PRKN: variants seen among roughly 807,000 people sequenced by gnomAD.
The protein encoded by PRKN is parkin RBR E3 ubiquitin protein ligase.
A neutral mutation model predicts 59.5 loss-of-function variants in PRKN; 56 were observed. The ratio of observed to expected loss-of-function variants is 0.94; its 90% confidence interval spans 0.76 to 1.18. The LOEUF (loss-of-function observed/expected upper bound fraction) is 1.18, where lower values mean the gene tolerates loss of function less well. Ranked by LOEUF, PRKN falls within the 50% of genes most tolerant of loss-of-function variation. PRKN has a pLI of 0.00. For synonymous variants in PRKN, 250 were observed against 222.1 expected (o/e 1.13, Z -1.12); for missense variants, 657 against 596.4 (o/e 1.10, Z -1.06).
At chr6:162,666,225 CTG>C (rs1181129138) in intron 1 of PRKN, among the ~76,000 whole-genome samples, 1 of 152,042 alleles carries the variant, frequency 6.6e-6, no homozygotes, top group Non-Finnish European at 1.5e-5. Flanking sequence ...GTGAGATACA[CTG>C]TGGTTAGAAT....
At chr6:161,633,948 C>A (rs1259359987) in intron 7 of PRKN, among the ~76,000 whole-genome samples, 1 of 150,946 alleles carries the variant, frequency 6.6e-6, no homozygotes, top group Non-Finnish European at 1.5e-5. Flanking sequence ...AAAAATGTGT[C>A]TGTGTGTACG....
chr6:162,727,733 G>A lies in PRKN; in HGVS notation c.-65C>T, dbSNP rs112155221. 7.5e-5 allele frequency: 114 copies of A among 1,512,310 alleles called. No individual in the cohort carries two copies. The Middle Eastern group carries it at 8.5e-4, about 11-fold the overall frequency. 93.7% of individuals were successfully genotyped at this position (1,512,310 alleles called of 1,614,324 possible). ...CCATGCGCGCAGCGGCGCCAGCCGCGCCTCCCACCAGCGGCTCTCCTGGGT... is the reference window on the plus strand; with the variant it reads ...CCATGCGCGCAGCGGCGCCAGCCGCACCTCCCACCAGCGGCTCTCCTGGGT... On this transcript the variant is annotated 5_prime_UTR_variant, in exon 1 of 12. Coordinates refer to ENST00000366898, the MANE Select transcript of PRKN (RefSeq NM_004562.3).
chr6:162,535,103 C>A (rs1330177358), intron 1 of PRKN, among the ~76,000 whole-genome samples: 1 of 152,076 alleles, frequency 6.6e-6, no homozygotes, highest in African/African-American at 2.4e-5. Flanking sequence ...TAAAGGGAAG[C>A]CCAGGGTCTC....
At chr6:161,375,448 T>G (rs1256582795) in intron 10 of PRKN, among the ~76,000 whole-genome samples, 1 of 152,216 alleles carries the variant, frequency 6.6e-6, no homozygotes, top group East Asian at 1.9e-4. Context: ...CAGTCAATCT[T>G]ATCTTTCCTT....
chr6:161,658,347 G>C (rs1488289320), intron 7 of PRKN, among the ~76,000 whole-genome samples: 5 of 152,140 alleles, frequency 3.3e-5, no homozygotes, highest in Admixed American at 1.3e-4. Flanking sequence ...AAAGAGAAAA[G>C]AGTTCTCTTG....
Position 161,454,468 on chromosome 6 carries a change from G to A in PRKN, c.1084-67591C>T, listed in dbSNP as rs1001794545. Among the ~76,000 whole-genome samples the A allele has an allele frequency of 2.0e-5, 3 of 152,132 alleles. No homozygotes were observed. Among genetic ancestry groups the A allele is most frequent in the African/African-American group, 4.8e-5 (2 of 41,422 alleles). On this transcript the variant is annotated intron_variant, in intron 9 of 11. Transcript: ENST00000366898. This position sits in a 1 kb window ranked among gnomAD's most constrained non-coding sequence, Gnocchi z 4.6. Reference sequence around the variant, plus strand: ...AGGCAGGAGGAACAGCAGTTCATTCGTGGTCTTGAGTCCAGGTTCCAGGTT... The same window carrying A: ...AGGCAGGAGGAACAGCAGTTCATTCATGGTCTTGAGTCCAGGTTCCAGGTT...
At chr6:162,104,802 G>C (rs1780120867) in intron 4 of PRKN, among the ~76,000 whole-genome samples, 1 of 152,100 alleles carries the variant, frequency 6.6e-6, no homozygotes, top group African/African-American at 2.4e-5. Context: ...TACAAAGAAA[G>C]AGATATTTTT....
chr6:162,534,467 T>C (rs1308967146), intron 1 of PRKN, among the ~76,000 whole-genome samples: 1 of 152,180 alleles, frequency 6.6e-6, no homozygotes, highest in East Asian at 1.9e-4. Context: ...TGCTTTGCAA[T>C]GTAATCACTT....
intron 1 of PRKN, among the ~76,000 whole-genome samples, chr6:162,612,041 A>T (rs1782194253): frequency 6.6e-6 from 1 of 151,198 alleles, no homozygotes; most frequent in African/African-American, 2.4e-5. Context: ...AAAAAAAAAA[A>T]AATTAGCTGG....
At chr6:162,286,756 C>T (rs1434871795) in intron 2 of PRKN, among the ~76,000 whole-genome samples, 3 of 152,116 alleles carry the variant, frequency 2.0e-5, no homozygotes, top group Non-Finnish European at 4.4e-5. Flanking sequence ...GGCCAAGTAG[C>T]TGGCGTTTAA....
chr6:161,723,951 C>A (rs185071660), intron 7 of PRKN, among the ~76,000 whole-genome samples: 1 of 152,208 alleles, frequency 6.6e-6, no homozygotes, highest in African/African-American at 2.4e-5. Context: ...CTCTCCACTG[C>A]GCACTCACCT....
At chr6:161,635,305 T>TTC (rs1783471673) in intron 7 of PRKN, among the ~76,000 whole-genome samples, 1 of 152,186 alleles carries the variant, frequency 6.6e-6, no homozygotes. Context: ...GTAGAATCGC[T>TTC]TCTCTACATA....
At chr6:162,328,679 T>C (rs1172124663) in intron 2 of PRKN, among the ~76,000 whole-genome samples, 1 of 152,144 alleles carries the variant, frequency 6.6e-6, no homozygotes, top group Non-Finnish European at 1.5e-5. Flanking sequence ...CAGCTCCTCC[T>C]GGAAAGAGGA....
intron 7 of PRKN, among the ~76,000 whole-genome samples, chr6:161,782,372 T>A (rs1244795781): frequency 6.6e-6 from 1 of 152,200 alleles, no homozygotes; most frequent in African/African-American, 2.4e-5. Flanking sequence ...ATTTTTGATA[T>A]CATCTATAGT....
intron 4 of PRKN, among the ~76,000 whole-genome samples, chr6:162,054,436 A>G (rs1292000773): frequency 1.3e-5 from 2 of 152,178 alleles, no homozygotes; most frequent in African/African-American, 4.8e-5. Context: ...GCCTCCCCCT[A>G]CGGCTGAGGT....
At position 161,401,473 on chromosome 6, in the gene PRKN, C is replaced by T. The variant is rs778509898; in HGVS notation, c.1084-14596G>A. On this transcript the variant is annotated intron_variant, in intron 9 of 11. Coordinates refer to ENST00000366898, the MANE Select transcript of PRKN (RefSeq NM_004562.3). This position sits in a 1 kb window ranked among gnomAD's most constrained non-coding sequence, Gnocchi z 4.4. ...TAAAAATACAAAAACGTTAGCTGGG[C>T]GTGGTGGTGGACGCCTGTAATCCCA... Among the ~76,000 whole-genome samples the T allele has an allele frequency of 2.6e-5, 4 of 151,950 alleles. No individual in the cohort carries two copies. Among genetic ancestry groups the T allele is most frequent in the African/African-American group, 7.3e-5 (3 of 41,324 alleles).
In PRKN at chr6:161,934,191, C is replaced by T. The variant is rs11968121; in HGVS notation, c.734+39111G>A. Among the ~76,000 whole-genome samples the T allele has an allele frequency of 3.8e-3, 580 of 152,306 alleles. 4 individuals carry two copies. Among genetic ancestry groups the T allele is most frequent in the African/African-American group, 0.013 (555 of 41,564 alleles). On this transcript the variant is annotated intron_variant, in intron 6 of 11. Coordinates refer to ENST00000366898, the MANE Select transcript of PRKN (RefSeq NM_004562.3). ...GAGGCTCTTCCCCTTTCCCTCAGCA[C>T]TTCTCTCTCCTGTCGCTTTGTGAAG...
intron 1 of PRKN, among the ~76,000 whole-genome samples, chr6:162,537,473 G>C (rs1238444429): frequency 1.3e-5 from 2 of 152,036 alleles, no homozygotes; most frequent in African/African-American, 4.8e-5. Flanking sequence ...GTCTTGAACT[G>C]TCTTCCCACT....
At chr6:161,946,933 G>A (rs6921382) in intron 6 of PRKN, among the ~76,000 whole-genome samples, 2,828 of 152,212 alleles carry the variant, frequency 0.019, 78 homozygotes, top group African/African-American at 0.062. Context: ...TAAAAAGCGC[G>A]TTGCAAAAGA....
Sources: gnomAD v4.1 joint callset for allele counts (sites outside exome capture counted in the v4.1 genomes callset) on GRCh38, gnomAD v4.1.1 for gene constraint, Gnocchi (gnomAD v3.1) non-coding constraint, MANE v1.5 for transcripts, NCBI Gene and HGNC (gene_info 2026-07-23, HGNC 2026-07-21) for gene names.